FMN2: variants seen among roughly 807,000 people sequenced by gnomAD.
The protein encoded by FMN2 is formin-2.
FMN2 carries 51 observed loss-of-function variants against 142.3 expected under a neutral mutation model. That is an observed-to-expected ratio of 0.36 (90% CI 0.29 to 0.45). The LOEUF (loss-of-function observed/expected upper bound fraction) is 0.45. Ranked by LOEUF, FMN2 falls within the 20% of genes least tolerant of loss-of-function variation. The pLI is 1.00. For missense variants in FMN2, 1,936 were observed against 2,122.8 expected (o/e 0.91, Z 1.73); for synonymous variants, 882 against 869.8 (o/e 1.01, Z -0.25).
intron 15 of FMN2, 113 bp from the exon 16 acceptor site, chr1:240,437,948 T>A (rs1447664756): frequency 6.7e-5 from 89 of 1,337,060 alleles, no homozygotes; most frequent in Non-Finnish European, 9.0e-5. Context: ...GCTTGAGTCC[T>A]CTTGGTAATA....
chr1:240,187,074 G>T (rs973560284), intron 3 of FMN2, among the ~76,000 whole-genome samples: 2 of 149,862 alleles, frequency 1.3e-5, no homozygotes, highest in Non-Finnish European at 3.0e-5. Flanking sequence ...AGACCAGCCT[G>T]GCCAACATGG....
intron 7 of FMN2, among the ~76,000 whole-genome samples, chr1:240,273,509 A>G (rs186179467): frequency 1.3e-5 from 2 of 152,196 alleles, no homozygotes; most frequent in Admixed American, 1.3e-4. Flanking sequence ...AAAACAGTGC[A>G]TGATTTGTTT....
intron 1 of FMN2, among the ~76,000 whole-genome samples, chr1:240,121,979 A>G (rs1256630089): frequency 6.6e-6 from 1 of 151,964 alleles, no homozygotes; most frequent in East Asian, 1.9e-4. Context: ...TTCTGAGTCT[A>G]AATGGCGGCA....
intron 1 of FMN2, among the ~76,000 whole-genome samples, chr1:240,111,530 T>A (rs191731340): frequency 1.5e-3 from 233 of 152,270 alleles, no homozygotes; most frequent in Admixed American, 1.7e-3. Context: ...TGCCATGGCA[T>A]CTGTAAACTG....
At chr1:240,158,638 C>A (rs1211918047) in intron 2 of FMN2, among the ~76,000 whole-genome samples, 1 of 152,120 alleles carries the variant, frequency 6.6e-6, no homozygotes, top group East Asian at 1.9e-4. Context: ...TCCCAATAAG[C>A]TCTCCCAAGC....
intron 14 of FMN2, among the ~76,000 whole-genome samples, chr1:240,356,774 A>T (rs1672286509): frequency 1.3e-5 from 2 of 152,188 alleles, no homozygotes; most frequent in African/African-American, 4.8e-5. Context: ...TTATTTTGTT[A>T]TAGGTTGTTC....
At chr1:240,316,744 T>G (rs1023908990) in intron 8 of FMN2, among the ~76,000 whole-genome samples, 1 of 152,180 alleles carries the variant, frequency 6.6e-6, no homozygotes, top group Non-Finnish European at 1.5e-5. Context: ...TTCAAGTTTT[T>G]ATTTTAGACT....
chr1:240,103,946 G>C (rs140701180), intron 1 of FMN2, among the ~76,000 whole-genome samples: 2,365 of 151,506 alleles, frequency 0.016, 66 homozygotes, highest in African/African-American at 0.055. Flanking sequence ...GTGCGATCTC[G>C]GCTCACTGCA....
intron 8 of FMN2, among the ~76,000 whole-genome samples, chr1:240,327,543 CATAAT>C (rs1462467204): frequency 3.9e-5 from 6 of 152,096 alleles, no homozygotes; most frequent in Non-Finnish European, 8.8e-5. Flanking sequence ...ACTCAGAAAT[CATAAT>C]ATAGTGGTCT....
chr1:240,361,305 C>G (rs1444217578), intron 14 of FMN2, among the ~76,000 whole-genome samples: 4 of 150,992 alleles, frequency 2.6e-5, no homozygotes, highest in Non-Finnish European at 5.9e-5. Flanking sequence ...GGCTGAGGGA[C>G]TTAGGCTTCA....
intron 2 of FMN2, chr1:240,143,701 C>A: frequency 1.9e-6 from 3 of 1,595,334 alleles, no homozygotes; most frequent in Non-Finnish European, 2.6e-6. Flanking sequence ...GAGACCCAGT[C>A]CAAGAGGAAG....
chr1:240,279,950 G>C (rs1669344572), intron 7 of FMN2, among the ~76,000 whole-genome samples: 1 of 152,046 alleles, frequency 6.6e-6, no homozygotes, highest in Admixed American at 6.6e-5. Flanking sequence ...GTGGGTTTTA[G>C]ATTTTTCATG....
chr1:240,154,429 C>T (rs900223010), intron 2 of FMN2, among the ~76,000 whole-genome samples: 6 of 152,096 alleles, frequency 3.9e-5, no homozygotes, highest in African/African-American at 1.4e-4. Context: ...TGGCGGAAAA[C>T]CTGGTTTCTG....
chr1:240,296,032 C>A (rs1250022830), intron 8 of FMN2, among the ~76,000 whole-genome samples: 1 of 152,088 alleles, frequency 6.6e-6, no homozygotes, highest in East Asian at 1.9e-4. Context: ...TATTATCACC[C>A]CTGTTTTACA....
At chr1:240,447,358 A>C (rs182140029) in intron 16 of FMN2, among the ~76,000 whole-genome samples, 2 of 152,324 alleles carry the variant, frequency 1.3e-5, no homozygotes, top group South Asian at 4.1e-4. Flanking sequence ...AAATAAGATA[A>C]TATTCAGGTA....
chr1:240,166,780 A>G (rs1382757962), intron 2 of FMN2, among the ~76,000 whole-genome samples: 1 of 152,202 alleles, frequency 6.6e-6, no homozygotes, highest in Non-Finnish European at 1.5e-5. Context: ...TATCACTGAT[A>G]TATTCTCCCC....
At chr1:240,332,292 T>G (rs2103016830) in intron 11 of FMN2, among the ~76,000 whole-genome samples, 1 of 151,170 alleles carries the variant, frequency 6.6e-6, no homozygotes, top group Admixed American at 6.6e-5. Flanking sequence ...CCGAGTGCAA[T>G]AGCATGAGCC....
chr1:240,382,711 A>C (rs1456013370), intron 14 of FMN2, among the ~76,000 whole-genome samples: 1 of 152,216 alleles, frequency 6.6e-6, no homozygotes, highest in Non-Finnish European at 1.5e-5. Context: ...ACAAAATTGC[A>C]GAAGTGCAAT....
At chr1:240,137,676 C>T (rs959750332) in intron 2 of FMN2, among the ~76,000 whole-genome samples, 1 of 152,114 alleles carries the variant, frequency 6.6e-6, no homozygotes, top group African/African-American at 2.4e-5. Context: ...ACTGGGTGAA[C>T]AGACACGGTG....
Sources: allele counts gnomAD v4.1 joint callset (sites outside exome capture counted in the v4.1 genomes callset), GRCh38; gene constraint gnomAD v4.1.1; transcripts MANE v1.5; gene names NCBI Gene and HGNC (gene_info 2026-07-23, HGNC 2026-07-21).